Variants in LMLN observed in about 807,000 individuals in gnomAD.
The protein encoded by LMLN is leishmanolysin-like peptidase.
LMLN carries 70 observed loss-of-function variants against 92.3 expected under a neutral mutation model. That is an observed-to-expected ratio of 0.76 (90% CI 0.63 to 0.92). LMLN has a LOEUF of 0.92. Ranked by LOEUF, LMLN falls within the 40% of genes least tolerant of loss-of-function variation. LMLN has a pLI of 0.00. For synonymous variants in LMLN, 308 were observed against 296.2 expected, an observed-to-expected ratio of 1.04 and a Z score of -0.41; for missense variants, 691 against 814.6, an observed-to-expected ratio of 0.85 and a Z score of 1.85.
intron 14 of LMLN, among the ~76,000 whole-genome samples, chr3:198,028,355 C>T (rs895710104): frequency 2.0e-5 from 3 of 152,114 alleles, no homozygotes; most frequent in East Asian, 1.9e-4. Context: ...GTAGGATATT[C>T]GTCCATAAGA....
At chr3:198,006,744 G>T (rs1024016180) in intron 11 of LMLN, among the ~76,000 whole-genome samples, 1 of 148,610 alleles carries the variant, frequency 6.7e-6, no homozygotes, top group South Asian at 2.1e-4. Flanking sequence ...ATGGAGTTTT[G>T]CTCCGTCACC....
rs1256649813 is a variant in LMLN at position 197,984,145 on chromosome 3, A to C, written c.834+97A>C. ...TATATTCCACTTTAAGATGATGTGG[A>C]TTCCTAGACTCATGTTCGTGCACAT... On this transcript the variant is annotated intron_variant, in intron 7 of 15. Transcript: ENST00000330198. 5.5e-6 allele frequency: 4 copies of C among 730,084 alleles called. No individual in the cohort carries two copies. In the Admixed American group the frequency reaches 8.6e-5, roughly 16 times the overall value. The allele number at this position is 730,084 out of a possible 1,614,324, so 45.2% of individuals were successfully genotyped here. A position where few individuals can be genotyped will look rare whatever the true frequency, so the allele number is the denominator to read the frequency against.
chr3:198,035,690 T>C lies in LMLN; in HGVS notation c.1657-143T>C, dbSNP rs2109959129. On this transcript the variant is annotated intron_variant, in intron 14 of 15. Coordinates refer to ENST00000330198, the Ensembl canonical transcript of LMLN. ...AACTCTTTATATGAGGTTAAAGTTA[T>C]GCCCACACTGCAAATTGTGCTTTAT... 4.5e-6 allele frequency: 3 copies of C among 670,474 alleles called. 1 individual carries two copies. The highest frequency in any genetic ancestry group is 4.3e-5 in the South Asian group (2 of 46,102). 41.5% of individuals were successfully genotyped at this position (670,474 alleles called of 1,614,324 possible). A position where few individuals can be genotyped will look rare whatever the true frequency, so the allele number is the denominator to read the frequency against.
chr3:198,029,639 C>G (rs1199968480), intron 14 of LMLN, among the ~76,000 whole-genome samples: 1 of 152,148 alleles, frequency 6.6e-6, no homozygotes, highest in Non-Finnish European at 1.5e-5. Flanking sequence ...CACCACTGCA[C>G]TCCAGCCCGG....
At chr3:198,003,204 C>T (rs1722223137) in intron 11 of LMLN, 79 bp downstream of exon 12, 3 of 850,498 alleles carry the variant, frequency 3.5e-6, no homozygotes, top group Non-Finnish European at 5.5e-6. Context: ...GCCTAAAATG[C>T]TATTTTCAAA....
At chr3:198,028,158 A>C (rs2109947816) in intron 14 of LMLN, among the ~76,000 whole-genome samples, 1 of 152,268 alleles carries the variant, frequency 6.6e-6, no homozygotes, top group Non-Finnish European at 1.5e-5. Context: ...CCACATCATC[A>C]TCCAAAGTCC....
chr3:197,976,148 G>A lies in LMLN; in HGVS notation c.431+37G>A, dbSNP rs116743034. 2.8e-3 allele frequency: 3,460 copies of A among 1,248,282 alleles called. 60 individuals carry two copies. In the African/African-American group the frequency reaches 0.046, roughly 16 times the overall value. 77.3% of individuals were successfully genotyped at this position (1,248,282 alleles called of 1,614,324 possible). A position where few individuals can be genotyped will look rare whatever the true frequency, so the allele number is the denominator to read the frequency against. ...GAAACACAGATCATTTTCTTCAGCC[G>A]TTTAGTACTCTGCCTTTCTCGTTCT... On this transcript the variant is annotated intron_variant, in intron 4 of 15. Transcript: ENST00000330198.
chr3:198,017,227 C>T (rs1283740852), intron 11 of LMLN, among the ~76,000 whole-genome samples: 3 of 152,216 alleles, frequency 2.0e-5, no homozygotes, highest in Non-Finnish European at 2.9e-5. Context: ...ACTTGTGAGG[C>T]ATTGAAATTC....
intron 1 of LMLN, among the ~76,000 whole-genome samples, chr3:197,970,614 C>T (rs1403197298): frequency 6.6e-6 from 1 of 152,142 alleles, no homozygotes; most frequent in Non-Finnish European, 1.5e-5. Context: ...AAATTTCAGC[C>T]ACTGAAATTT....
intron 6 of LMLN, chr3:197,980,793 A>G (rs1010089534): frequency 3.0e-5 from 8 of 269,994 alleles, no homozygotes; most frequent in African/African-American, 1.5e-4. Flanking sequence ...GTTTTTGCCT[A>G]AATTCCAAAG....
intron 9 of LMLN, among the ~76,000 whole-genome samples, chr3:197,994,974 G>T (rs1027312651): frequency 6.6e-6 from 1 of 152,206 alleles, no homozygotes; most frequent in African/African-American, 2.4e-5. Flanking sequence ...CAGCAGATGA[G>T]TGGGTAAAGA....
Position 197,976,593 on chromosome 3 carries a change from TG to T in LMLN, c.432-4del. ...TTTAAACTTTGATGTACAAATGGAC[TG>T]AAGACAATGTGCAACAAACCAATAC... On this transcript the variant is annotated splice_region_variant and splice_polypyrimidine_tract_variant and intron_variant, in intron 4 of 15. Transcript: ENST00000330198. The T allele has an allele frequency of 6.6e-7, 1 of 1,523,810 alleles. No individual in the cohort carries two copies. The highest frequency in any genetic ancestry group is 9.0e-7 in the Non-Finnish European group (1 of 1,112,918). The allele number at this position is 1,523,810 out of a possible 1,614,324, so 94.4% of individuals were successfully genotyped here.
At chr3:198,029,701 C>CA (rs1055347461) in intron 14 of LMLN, among the ~76,000 whole-genome samples, 13 of 151,900 alleles carry the variant, frequency 8.6e-5, no homozygotes, top group African/African-American at 2.4e-4. Context: ...GAAAAACACA[C>CA]AAAAAACTAG....
intron 8 of LMLN, among the ~76,000 whole-genome samples, chr3:197,988,949 C>T (rs2109880196): frequency 6.6e-6 from 1 of 152,306 alleles, no homozygotes; most frequent in Middle Eastern, 3.4e-3. Context: ...TCCCAAAGTG[C>T]TGGGATTACA....
intron 11 of LMLN, among the ~76,000 whole-genome samples, chr3:198,002,605 G>T (rs545557985): frequency 6.6e-6 from 1 of 152,308 alleles, no homozygotes; most frequent in Admixed American, 6.5e-5. Flanking sequence ...AGACATGGTG[G>T]TGCATGCCTG....
intron 11 of LMLN, among the ~76,000 whole-genome samples, chr3:198,014,926 G>C (rs186553621): frequency 0.064 from 3,812 of 59,234 alleles, 107 homozygotes; most frequent in East Asian, 0.13. Context: ...AGCCCCCTAA[G>C]TAGTCTGACT....
At chr3:197,976,241 A>G (rs1721376473) in intron 4 of LMLN, 130 bp downstream of exon 4, 1 of 551,680 alleles carries the variant, frequency 1.8e-6, no homozygotes, top group East Asian at 3.2e-5. Context: ...ACCTAACTGC[A>G]AGGTATTTAA....
At chr3:197,969,931 G>A (rs1581129857) in intron 1 of LMLN, among the ~76,000 whole-genome samples, 1 of 152,134 alleles carries the variant, frequency 6.6e-6, no homozygotes, top group South Asian at 2.1e-4. Context: ...ATCACCTGAG[G>A]TCAGGAATTC....
chr3:197,985,417 A>G (rs1263810524), intron 7 of LMLN, among the ~76,000 whole-genome samples: 8 of 151,834 alleles, frequency 5.3e-5, no homozygotes, highest in Non-Finnish European at 1.0e-4. Context: ...ACACACACAC[A>G]CACACACACA....
Sources: allele counts gnomAD v4.1 joint callset (sites outside exome capture counted in the v4.1 genomes callset), GRCh38; gene constraint gnomAD v4.1.1; transcripts MANE v1.5; gene names NCBI Gene and HGNC (gene_info 2026-07-23, HGNC 2026-07-21).